PPP1R13B: variants seen among roughly 807,000 people sequenced by gnomAD.
PPP1R13B encodes the protein protein phosphatase 1 regulatory subunit 13B.
Under a neutral mutation model 119.8 loss-of-function variants are expected in PPP1R13B, and 44 were observed. The observed-to-expected ratio is 0.37, with a 90% CI of 0.29 to 0.47. PPP1R13B has a LOEUF of 0.47. PPP1R13B is among the 20% of genes least tolerant of loss of function. PPP1R13B has a pLI of 0.99. For synonymous variants in PPP1R13B, 542 were observed against 561.5 expected, an observed-to-expected ratio of 0.97 and a Z score of 0.49; for missense variants, 1,227 against 1,413.5, an observed-to-expected ratio of 0.87 and a Z score of 2.12.
chr14:103,834,343 T>C (rs534650813), intron 1 of PPP1R13B, among the ~76,000 whole-genome samples: 9 of 152,216 alleles, frequency 5.9e-5, no homozygotes, highest in African/African-American at 2.2e-4. Flanking sequence ...GCCAGTGCAC[T>C]CTAGCCTCGG....
chr14:103,818,542 CA>C, intron 1 of PPP1R13B: 1 of 966,196 alleles, frequency 1.0e-6, no homozygotes, highest in Non-Finnish European at 1.2e-6. Context: ...AATCATACAC[CA>C]GTTGATTTCG....
intron 3 of PPP1R13B, among the ~76,000 whole-genome samples, chr14:103,780,895 T>C (rs769978048): frequency 4.0e-5 from 6 of 151,680 alleles, no homozygotes; most frequent in Non-Finnish European, 8.8e-5. Flanking sequence ...AAACAAAACA[T>C]GAGACAGCAC....
chr14:103,831,312 CT>C lies in PPP1R13B; in HGVS notation c.9+15986del, dbSNP rs1210325705. ...AATTAATTTCAACTTCATTCTTTTA[CT>C]TTTTTTTTTTTTTTTAGGCAGAGTC... On this transcript the variant is annotated intron_variant, in intron 1 of 16. Coordinates refer to ENST00000202556, the MANE Select transcript of PPP1R13B (RefSeq NM_015316.3). 4.3e-3 allele frequency among the ~76,000 whole-genome samples: 532 copies of C among 123,192 alleles called. 3 individuals are homozygous for C. The highest frequency in any genetic ancestry group is 8.3e-3 in the African/African-American group (281 of 33,874). 80.8% of individuals were successfully genotyped at this position (123,192 alleles called of 152,430 possible).
At chr14:103,792,833 G>C (rs530049418) in intron 2 of PPP1R13B, among the ~76,000 whole-genome samples, 1 of 152,062 alleles carries the variant, frequency 6.6e-6, no homozygotes, top group Non-Finnish European at 1.5e-5. Context: ...CACTTTGGGA[G>C]GCCGAGGCAG....
intron 1 of PPP1R13B, among the ~76,000 whole-genome samples, chr14:103,821,439 A>G (rs1400663525): frequency 6.6e-6 from 1 of 152,230 alleles, no homozygotes; most frequent in Non-Finnish European, 1.5e-5. Flanking sequence ...ACACAGGAAC[A>G]TATCAAGTGT....
intron 1 of PPP1R13B, 66 bp from the exon 2 acceptor site, chr14:103,797,584 T>G: frequency 7.6e-7 from 1 of 1,324,344 alleles, no homozygotes; most frequent in Non-Finnish European, 1.0e-6. Context: ...TCTGTAAATT[T>G]AAAGTGATCC....
intron 1 of PPP1R13B, among the ~76,000 whole-genome samples, chr14:103,842,759 T>C (rs2086938969): frequency 6.6e-6 from 1 of 150,858 alleles, no homozygotes. Flanking sequence ...GTGGATCACC[T>C]GAGGTCAGGA....
intron 1 of PPP1R13B, among the ~76,000 whole-genome samples, chr14:103,827,895 G>A (rs114147342): frequency 0.013 from 1,981 of 152,090 alleles, 45 homozygotes; most frequent in African/African-American, 0.045. Context: ...TCCCACAGAA[G>A]CCTTAGTATC....
intron 1 of PPP1R13B, among the ~76,000 whole-genome samples, chr14:103,807,924 G>T (rs2086056834): frequency 6.6e-6 from 1 of 151,978 alleles, no homozygotes; most frequent in Non-Finnish European, 1.5e-5. Context: ...CCACATCAAA[G>T]AGAAGAAAAA....
At position 103,829,692 on chromosome 14, in the gene PPP1R13B, C is replaced by T. The variant is rs144251840; in HGVS notation, c.9+17607G>A. Among the ~76,000 whole-genome samples the T allele has an allele frequency of 6.6e-3, 1,012 of 152,334 alleles. 8 individuals carry two copies. Among genetic ancestry groups the T allele is most frequent in the Middle Eastern group, 0.017 (5 of 294 alleles). ...TGATACCATCACAGCTCAATGCAGC[C>T]TCAAACTCCTGGGCTCAGGCATTTC... On this transcript the variant is annotated intron_variant, in intron 1 of 16. Transcript: ENST00000202556.
chr14:103,848,534 G>A, upstream of PPP1R13B: 1 of 974,398 alleles, frequency 1.0e-6, no homozygotes, highest in Non-Finnish European at 1.2e-6. Flanking sequence ...GGACTGAGGT[G>A]CTCCCCGCGG....
intron 1 of PPP1R13B, among the ~76,000 whole-genome samples, chr14:103,836,656 GC>G (rs1284441827): frequency 6.6e-6 from 1 of 151,862 alleles, no homozygotes; most frequent in East Asian, 2.0e-4. Context: ...TGTAATCTCA[GC>G]TACTCGGGAG....
At chr14:103,736,445 C>T (rs373933722) in intron 15 of PPP1R13B, 11 of 579,788 alleles carry the variant, frequency 1.9e-5, no homozygotes, top group South Asian at 8.3e-5. Context: ...ACAGGACAAA[C>T]GAGCTCCTGA....
intron 1 of PPP1R13B, among the ~76,000 whole-genome samples, chr14:103,841,897 C>T (rs2086917768): frequency 6.6e-6 from 1 of 152,130 alleles, no homozygotes; most frequent in African/African-American, 2.4e-5. Context: ...ACCATAAATG[C>T]CTGAAAATTA....
intron 4 of PPP1R13B, among the ~76,000 whole-genome samples, chr14:103,762,184 A>G (rs748705489): frequency 9.9e-5 from 15 of 152,242 alleles, no homozygotes; most frequent in Non-Finnish European, 1.5e-4. Flanking sequence ...GAACATGTAT[A>G]TGTTTAAAGG....
intron 2 of PPP1R13B, chr14:103,794,603 C>T (rs1424843410): frequency 1.3e-5 from 6 of 446,598 alleles, no homozygotes; most frequent in East Asian, 7.2e-5. Flanking sequence ...GTTGAGATTA[C>T]AAGAGTGAGC....
chr14:103,761,293 A>G (rs1042345714), intron 4 of PPP1R13B, among the ~76,000 whole-genome samples: 1 of 149,738 alleles, frequency 6.7e-6, no homozygotes, highest in African/African-American at 2.4e-5. Context: ...AAAAAAAAAA[A>G]AAAAAAGAAT....
chr14:103,738,895 G>T lies in PPP1R13B; in HGVS notation c.2721C>A (p.Ile907=). ...CCCGGCTGCAGCTCACCTCATAGAT[G>T]ATCCTCTGCACCAGATCGAACTCTC... ...LEGEFDLVQR[I]IYEVEDPSKP... Residue 907 remains isoleucine, a synonymous_variant, in exon 13 of 17, where the codon ATC becomes ATA. Transcript: ENST00000202556. The surrounding 1 kb of genome is among the most constrained non-coding windows in gnomAD (Gnocchi z 5.6). 1.2e-6 allele frequency: 2 copies of T among 1,613,862 alleles called. No individual in the cohort carries two copies. The highest frequency in any genetic ancestry group is 4.5e-5 in the East Asian group (2 of 44,864).
chr14:103,831,862 G>C (rs1025083222), intron 1 of PPP1R13B, among the ~76,000 whole-genome samples: 1 of 151,990 alleles, frequency 6.6e-6, no homozygotes, highest in African/African-American at 2.4e-5. Flanking sequence ...CTTGAACCTG[G>C]GAGGCGGAGG....
Sources: gnomAD v4.1 joint callset for allele counts (sites outside exome capture counted in the v4.1 genomes callset) on GRCh38, gnomAD v4.1.1 for gene constraint, Gnocchi (gnomAD v3.1) non-coding constraint, MANE v1.5 for transcripts, NCBI Gene and HGNC (gene_info 2026-07-23, HGNC 2026-07-21) for gene names.